The following PTER variants were observed in gnomAD, a reference collection of about 807,000 sequenced individuals.
The protein encoded by PTER is phosphotriesterase related.
In PTER, 38 loss-of-function variants were observed where a neutral mutation model predicts 29.6. The ratio of observed to expected loss-of-function variants is 1.28; its 90% CI spans 0.99 to 1.68. The LOEUF is 1.68. Ranked by LOEUF, PTER falls within the 40% of genes most tolerant of loss-of-function variation. The probability of loss-of-function intolerance (pLI) is 0.00; values close to 1 mark genes in which losing one functional copy is unlikely to be tolerated. For missense variants in PTER, 482 were observed against 427.8 expected, an observed-to-expected ratio of 1.13 and a Z score of -1.12; for synonymous variants, 172 against 154.5, an observed-to-expected ratio of 1.11 and a Z score of -0.84.
chr10:16,502,293 C>T (rs942348176), intron 3 of PTER, among the ~76,000 whole-genome samples: 5 of 152,158 alleles, frequency 3.3e-5, no homozygotes, highest in Admixed American at 6.5e-5. Context: ...TTCCCGCTTA[C>T]ATTACTTTAA....
chr10:16,498,569 C>T (rs921879776), intron 3 of PTER, among the ~76,000 whole-genome samples: 7 of 152,192 alleles, frequency 4.6e-5, no homozygotes, highest in African/African-American at 1.4e-4. Flanking sequence ...TGTGACGGAG[C>T]GAGACTGTCT....
intron 3 of PTER, among the ~76,000 whole-genome samples, chr10:16,493,102 C>G (rs1004107705): frequency 6.6e-6 from 1 of 152,204 alleles, no homozygotes; most frequent in African/African-American, 2.4e-5. Flanking sequence ...ACAACCCACT[C>G]TCTGCCTTCA....
chr10:16,472,414 C>T (rs767768684), intron 1 of PTER, among the ~76,000 whole-genome samples: 1 of 152,002 alleles, frequency 6.6e-6, no homozygotes, highest in Non-Finnish European at 1.5e-5. Context: ...GGGCGGTTTC[C>T]CCCATACTGT....
intron 1 of PTER, among the ~76,000 whole-genome samples, chr10:16,463,434 CA>C (rs1834695937): frequency 1.3e-5 from 2 of 151,806 alleles, no homozygotes; most frequent in Admixed American, 1.3e-4. Flanking sequence ...TTTTTGAGAC[CA>C]AGTCTCGCTC....
chr10:16,498,189 C>T (rs1336833643), intron 3 of PTER, among the ~76,000 whole-genome samples: 3 of 152,188 alleles, frequency 2.0e-5, no homozygotes, highest in East Asian at 1.9e-4. Flanking sequence ...CTCTTCTGTG[C>T]GTCACAATCA....
intron 3 of PTER, among the ~76,000 whole-genome samples, chr10:16,502,760 AG>A (rs780182997): frequency 1.3e-5 from 2 of 152,038 alleles, no homozygotes; most frequent in Non-Finnish European, 2.9e-5. Context: ...AGGCTGAAAC[AG>A]GTGGATCACC....
At position 16,442,971 on chromosome 10, in the gene PTER, C is replaced by G. The variant is rs541190274; in HGVS notation, c.-49+5924C>G. 2.7e-3 allele frequency among the ~76,000 whole-genome samples: 403 copies of G among 151,982 alleles called. 2 individuals carry two copies. The highest frequency in any genetic ancestry group is 8.9e-3 in the African/African-American group (369 of 41,424). On this transcript the variant is annotated intron_variant, in intron 1 of 4. Coordinates refer to ENST00000535784, the MANE Select transcript of PTER (RefSeq NM_001261836.2). ...TGGGTGACAGAGTGATACTCTGTCTCAAAAACAATAAAAATAAGATGAAAT... is the reference window on the plus strand; with the variant it reads ...TGGGTGACAGAGTGATACTCTGTCTGAAAAACAATAAAAATAAGATGAAAT...
At chr10:16,453,547 T>A (rs1312515661) in intron 1 of PTER, among the ~76,000 whole-genome samples, 1 of 152,204 alleles carries the variant, frequency 6.6e-6, no homozygotes, top group Non-Finnish European at 1.5e-5. Flanking sequence ...TGAAGAATGA[T>A]AATAAATAAT....
intron 3 of PTER, among the ~76,000 whole-genome samples, chr10:16,504,015 G>A (rs186021463): frequency 6.6e-6 from 1 of 152,204 alleles, no homozygotes; most frequent in African/African-American, 2.4e-5. Context: ...AATGTCTAAT[G>A]GGGTATATTT....
At chr10:16,481,154 C>T (rs1053862158) in intron 1 of PTER, among the ~76,000 whole-genome samples, 4 of 152,224 alleles carry the variant, frequency 2.6e-5, no homozygotes, top group African/African-American at 9.6e-5. Context: ...ACTTTTGACC[C>T]ATGTGTTTGT....
chr10:16,451,290 C>T (rs1234775000), intron 1 of PTER, among the ~76,000 whole-genome samples: 2 of 152,200 alleles, frequency 1.3e-5, no homozygotes, highest in Non-Finnish European at 2.9e-5. Context: ...TGCCACTCCC[C>T]GTCCACTGAC....
intron 1 of PTER, among the ~76,000 whole-genome samples, chr10:16,465,510 T>C (rs1180906256): frequency 1.3e-5 from 2 of 152,154 alleles, no homozygotes; most frequent in East Asian, 3.9e-4. Flanking sequence ...TTCTTAATAT[T>C]TCAGGAAGCA....
chr10:16,494,197 T>A (rs1456098545), intron 3 of PTER, among the ~76,000 whole-genome samples: 3 of 152,234 alleles, frequency 2.0e-5, no homozygotes, highest in Non-Finnish European at 4.4e-5. Flanking sequence ...AAGCTCTTCC[T>A]GGGATGTATA....
At chr10:16,490,199 T>C (rs910706796) in intron 3 of PTER, among the ~76,000 whole-genome samples, 1 of 152,138 alleles carries the variant, frequency 6.6e-6, no homozygotes, top group African/African-American at 2.4e-5. Flanking sequence ...GTTGAACAGC[T>C]CATATAATGT....
intron 3 of PTER, among the ~76,000 whole-genome samples, chr10:16,501,588 A>G (rs576482085): frequency 6.6e-6 from 1 of 152,242 alleles, no homozygotes; most frequent in East Asian, 1.9e-4. Context: ...TTCCCCCCAT[A>G]CTACCCTTTG....
intron 3 of PTER, among the ~76,000 whole-genome samples, chr10:16,499,849 T>C (rs1448026566): frequency 1.3e-5 from 2 of 152,078 alleles, no homozygotes; most frequent in Admixed American, 6.6e-5. Flanking sequence ...TATATATGTA[T>C]GTATGTCTTG....
chr10:16,462,788 C>G lies in PTER; in HGVS notation c.-48-21549C>G, dbSNP rs1163145903. Among the ~76,000 whole-genome samples the G allele has an allele frequency of 2.0e-5, 3 of 148,060 alleles. No homozygotes were observed. The East Asian group carries it at 6.7e-4, about 33-fold the overall frequency. On this transcript the variant is annotated intron_variant, in intron 1 of 4. Transcript: ENST00000535784. ...GTTTCACCATGTAGGCCAGGCTGGT[C>G]TCAAACTCCTGGCCTCAAGTGATCC...
intron 1 of PTER, among the ~76,000 whole-genome samples, chr10:16,453,996 T>C (rs1834303275): frequency 6.6e-6 from 1 of 152,224 alleles, no homozygotes; most frequent in South Asian, 2.1e-4. Flanking sequence ...GCTTCTGGCA[T>C]ATCAGCTGTG....
intron 1 of PTER, among the ~76,000 whole-genome samples, chr10:16,473,537 A>C (rs924891238): frequency 2.0e-5 from 3 of 150,766 alleles, no homozygotes; most frequent in Non-Finnish European, 4.4e-5. Context: ...AAAAAAAAAA[A>C]AAAAAAAAAA....
Sources: allele counts gnomAD v4.1 joint callset (sites outside exome capture counted in the v4.1 genomes callset), GRCh38; gene constraint gnomAD v4.1.1; transcripts MANE v1.5; gene names NCBI Gene and HGNC (gene_info 2026-07-23, HGNC 2026-07-21).